Variants in STXBP5 observed in about 807,000 individuals in gnomAD.
STXBP5 encodes syntaxin-binding protein 5.
STXBP5 carries 50 observed loss-of-function variants against 152.4 expected under a neutral mutation model. The observed-to-expected ratio is 0.33, with a 90% confidence interval of 0.26 to 0.42. The LOEUF (loss-of-function observed/expected upper bound fraction) is 0.42, where lower values mean the gene tolerates loss of function less well. Ranked by LOEUF, STXBP5 falls within the 10% of genes least tolerant of loss-of-function variation. The pLI is 1.00. For synonymous variants in STXBP5, 492 were observed against 494.7 expected (o/e 0.99, Z 0.07); for missense variants, 1,167 against 1,388.6 (o/e 0.84, Z 2.54).
intron 9 of STXBP5, among the ~76,000 whole-genome samples, chr6:147,299,012 A>C (rs974918018): frequency 6.6e-6 from 1 of 152,072 alleles, no homozygotes; most frequent in African/African-American, 2.4e-5. Flanking sequence ...AAATAAAAAT[A>C]CAAAGTAGCA....
At chr6:147,227,234 T>C (rs1276081733) in intron 2 of STXBP5, among the ~76,000 whole-genome samples, 2 of 152,196 alleles carry the variant, frequency 1.3e-5, no homozygotes, top group Admixed American at 1.3e-4. Context: ...TGTCTGATTC[T>C]GTACTGCTAC....
intron 21 of STXBP5, 94 bp from the exon 22 acceptor site, chr6:147,353,229 G>C (rs1309654519): frequency 4.3e-6 from 3 of 692,866 alleles, no homozygotes; most frequent in African/African-American, 1.9e-5. Flanking sequence ...TCTAGATTTA[G>C]TAATAAAAGT....
chr6:147,252,010 C>T (rs979760086), intron 4 of STXBP5, among the ~76,000 whole-genome samples: 9 of 152,040 alleles, frequency 5.9e-5, no homozygotes, highest in African/African-American at 1.9e-4. Context: ...GGAAAACTAA[C>T]AAACAGAAAG....
In STXBP5 at chr6:147,204,874, T is replaced by A. The variant is rs1776459205; in HGVS notation, c.150+192T>A. Among the ~76,000 whole-genome samples, 1 of 152,194 alleles carries A rather than the reference T, an allele frequency of 6.6e-6. No individual in the cohort carries two copies. Among genetic ancestry groups the A allele is most frequent in the South Asian group, 2.1e-4 (1 of 4,834 alleles). On this transcript the variant is annotated intron_variant, in intron 1 of 27. Coordinates refer to ENST00000321680, the MANE Select transcript of STXBP5 (RefSeq NM_001127715.4). The surrounding 1 kb of genome is among the most constrained non-coding windows in gnomAD (Gnocchi z 4.3). The stretch of plus-strand genomic sequence containing the variant: ...GTTGTTTTGGAGATTGATACCTTAC[T>A]CCTTTTCATTGATTTTTCTCTCTCC...
rs2128424903 is a variant in STXBP5 at position 147,385,065 on chromosome 6, ATTCCTGTATT to A, written c.*311_*320del. The A allele has an allele frequency of 3.1e-6, 1 of 323,380 alleles. No homozygotes were observed. Among genetic ancestry groups the A allele is most frequent in the South Asian group, 5.1e-5 (1 of 19,604 alleles). The allele number at this position is 323,380 out of a possible 1,614,324, so 20.0% of individuals were successfully genotyped here. ...CTGGTGCAGGGACTAATCCTGGATCATTCCTGTATTAAACTTTCATATGCCAAAAGGGTTT... is the reference window on the plus strand; with the variant it reads ...CTGGTGCAGGGACTAATCCTGGATCAAAACTTTCATATGCCAAAAGGGTTT... On this transcript the variant is annotated 3_prime_UTR_variant, in exon 28 of 28. Coordinates refer to ENST00000321680, the MANE Select transcript of STXBP5 (RefSeq NM_001127715.4).
rs1786153568 is a variant in STXBP5, at chr6:147,382,793, C to T, written c.3209C>T (p.Ser1070Leu). ...DREELFGESS[S>L]GKASRSLAQH... is the part of the protein sequence containing the mutation. The stretch of plus-strand genomic sequence containing the variant: ...ATGTGTTCAGTTGGAGAATCGTCCT[C>T]AGGAAAGGCTTCAAGGAGCCTTGCA... The change falls in exon 27 of 28, where the codon TCA becomes TTA. Residue 1070 changes from serine (S) to leucine (L), a missense_variant. By Grantham distance (145) the Ser-to-Leu change is moderately radical (BLOSUM62 -2). Coordinates refer to ENST00000321680, the MANE Select transcript of STXBP5 (RefSeq NM_001127715.4). The T allele has an allele frequency of 6.2e-7, 1 of 1,613,252 alleles. No homozygotes were observed.
chr6:147,238,606 A>C (rs1163902592), intron 3 of STXBP5, among the ~76,000 whole-genome samples: 1 of 152,164 alleles, frequency 6.6e-6, no homozygotes, highest in Non-Finnish European at 1.5e-5. Context: ...CTTCCCTATA[A>C]ATAATAATAT....
intron 2 of STXBP5, among the ~76,000 whole-genome samples, chr6:147,224,941 G>C (rs915926419): frequency 6.6e-6 from 1 of 152,000 alleles, no homozygotes; most frequent in Non-Finnish European, 1.5e-5. Flanking sequence ...CAAGACTTAG[G>C]CCATTAAAAG....
At chr6:147,274,726 A>T (rs1780355653) in intron 7 of STXBP5, among the ~76,000 whole-genome samples, 1 of 151,992 alleles carries the variant, frequency 6.6e-6, no homozygotes, top group African/African-American at 2.4e-5. Flanking sequence ...TACATTACAC[A>T]TTTTCTTTTG....
intron 21 of STXBP5, among the ~76,000 whole-genome samples, chr6:147,341,128 C>A (rs972440410): frequency 1.3e-5 from 2 of 151,928 alleles, no homozygotes; most frequent in African/African-American, 4.8e-5. Flanking sequence ...GTTAGTGTCA[C>A]GTTTTTTTTC....
At chr6:147,234,211 C>T (rs891390677) in intron 2 of STXBP5, among the ~76,000 whole-genome samples, 2 of 151,778 alleles carry the variant, frequency 1.3e-5, no homozygotes, top group Non-Finnish European at 3.0e-5. Context: ...TTTATTTTTA[C>T]ATTTTGCTTT....
intron 26 of STXBP5, among the ~76,000 whole-genome samples, 199 bp downstream of exon 26, chr6:147,374,041 A>G (rs1310446134): frequency 6.6e-6 from 1 of 152,236 alleles, no homozygotes; most frequent in African/African-American, 2.4e-5. Flanking sequence ...AGGAAATATC[A>G]AAATCAGAAT....
intron 4 of STXBP5, among the ~76,000 whole-genome samples, chr6:147,242,021 G>C (rs1014978179): frequency 6.6e-6 from 1 of 151,942 alleles, no homozygotes; most frequent in African/African-American, 2.4e-5. Flanking sequence ...ATTCCAGAAG[G>C]CATTGTTATC....
At chr6:147,207,875 GTATAAT>G (rs922562834) in intron 2 of STXBP5, among the ~76,000 whole-genome samples, 3 of 151,944 alleles carry the variant, frequency 2.0e-5, no homozygotes, top group Non-Finnish European at 4.4e-5. Context: ...TTATAATTTA[GTATAAT>G]TATAAGTGAG....
At chr6:147,262,445 T>C (rs1473692759) in intron 6 of STXBP5, 92 bp downstream of exon 6, 9 of 718,620 alleles carry the variant, frequency 1.3e-5, no homozygotes, top group African/African-American at 7.4e-5. Context: ...TTATTACAAA[T>C]TGAGATTACC....
At chr6:147,253,601 A>G (rs1779207617) in intron 4 of STXBP5, among the ~76,000 whole-genome samples, 1 of 152,228 alleles carries the variant, frequency 6.6e-6, no homozygotes, top group Non-Finnish European at 1.5e-5. Context: ...AACTTCAGCA[A>G]AGTTTCAGGA....
chr6:147,353,848 C>T (rs971915345), intron 22 of STXBP5, among the ~76,000 whole-genome samples: 1 of 152,078 alleles, frequency 6.6e-6, no homozygotes, highest in African/African-American at 2.4e-5. Flanking sequence ...GGAAATATTT[C>T]TTCCACAGCA....
chr6:147,221,219 G>A (rs1191198715), intron 2 of STXBP5, among the ~76,000 whole-genome samples: 1 of 151,932 alleles, frequency 6.6e-6, no homozygotes, highest in Non-Finnish European at 1.5e-5. Flanking sequence ...TGTCATTGCT[G>A]TCATTCATTT....
intron 4 of STXBP5, among the ~76,000 whole-genome samples, chr6:147,239,944 C>CTTT (rs748804277): frequency 4.2e-5 from 6 of 143,604 alleles, no homozygotes; most frequent in Non-Finnish European, 9.2e-5. Flanking sequence ...TTGTGGTACT[C>CTTT]TTTTTTTTTT....
Sources: gnomAD v4.1 joint callset for allele counts (sites outside exome capture counted in the v4.1 genomes callset) on GRCh38, gnomAD v4.1.1 for gene constraint, Gnocchi (gnomAD v3.1) non-coding constraint, MANE v1.5 for transcripts, NCBI Gene and HGNC (gene_info 2026-07-23, HGNC 2026-07-21) for gene names.